TMEM80: variants seen among roughly 807,000 people sequenced by gnomAD.
The protein encoded by TMEM80 is transmembrane protein 80.
TMEM80 carries 16 observed loss-of-function variants against 13.6 expected under a neutral mutation model. That is an observed-to-expected ratio of 1.17 (90% CI 0.79 to 1.78). TMEM80 has a LOEUF of 1.78. Among genes scored for constraint, TMEM80 ranks in the 40% most tolerant of loss-of-function variants. TMEM80 has a pLI of 0.00. For synonymous variants in TMEM80, 92 were observed against 89.5 expected (o/e 1.03, Z -0.16); for missense variants, 167 against 184.6 (o/e 0.90, Z 0.55).
chr11:704,476 C>T, downstream of TMEM80: 1 of 1,289,360 alleles, frequency 7.8e-7, no homozygotes, highest in Non-Finnish European at 1.0e-6. Context: ...CCCTGAGGAC[C>T]CACTTCACAC....
intron 4 of TMEM80, among the ~76,000 whole-genome samples, chr11:701,597 G>C (rs189980059): frequency 6.6e-6 from 1 of 151,992 alleles, no homozygotes; most frequent in Admixed American, 6.5e-5. Context: ...TTTTAGTAGA[G>C]ATGGGGTTTC....
At chr11:702,506 C>T (rs61876703) in intron 4 of TMEM80, among the ~76,000 whole-genome samples, 4,939 of 152,288 alleles carry the variant, frequency 0.032, 111 homozygotes, top group African/African-American at 0.061. Context: ...TTGCTAAATA[C>T]GCAGTTTTGT....
chr11:697,973 C>T (rs1397102032), intron 1 of TMEM80: 1 of 152,272 alleles, frequency 6.6e-6, no homozygotes, highest in Non-Finnish European at 1.5e-5. Flanking sequence ...TCACCAACGC[C>T]AGGTTTCTGT....
chr11:704,431 G>A (rs1021610448), downstream of TMEM80: 10 of 1,288,038 alleles, frequency 7.8e-6, no homozygotes, highest in African/African-American at 3.0e-5. Flanking sequence ...TGACCTGTCT[G>A]TGGCCCCCAG....
intron 4 of TMEM80, among the ~76,000 whole-genome samples, chr11:701,491 A>G (rs952137669): frequency 4.6e-4 from 66 of 145,002 alleles, no homozygotes; most frequent in Non-Finnish European, 8.3e-4. Flanking sequence ...GCTCACTGCA[A>G]GCTCCGCCTC....
chr11:701,733 C>T (rs1357475438), intron 4 of TMEM80, among the ~76,000 whole-genome samples: 1 of 152,102 alleles, frequency 6.6e-6, no homozygotes, highest in African/African-American at 2.4e-5. Context: ...GCTATGTTAC[C>T]CTGGTTGGTC....
downstream of TMEM80, chr11:704,136 T>G (rs1407328248): frequency 8.9e-7 from 1 of 1,125,484 alleles, no homozygotes; most frequent in Non-Finnish European, 1.1e-6. Context: ...TGAATTCTCC[T>G]AATTATGGCC....
chr11:695,928 T>C, intron 1 of TMEM80, 82 bp downstream of exon 1: 1 of 1,074,740 alleles, frequency 9.3e-7, no homozygotes. Flanking sequence ...GGTTTCCGCT[T>C]TCGGTGCGCT....
chr11:698,719 G>C lies in TMEM80; in HGVS notation c.20-150G>C, dbSNP rs892097881. ...GTTAGAGAGGCACGGGAGCTATCTA[G>C]TGGCAGGCCCACGGTATATGTTTGC... On this transcript the variant is annotated intron_variant, in intron 1 of 4. Transcript: ENST00000397510. The C allele has an allele frequency of 7.9e-6, 7 of 890,926 alleles. No individual in the cohort carries two copies. The African/African-American group carries it at 1.1e-4, about 15-fold the overall frequency. 55.2% of individuals were successfully genotyped at this position (890,926 alleles called of 1,614,324 possible).
chr11:703,828 G>T lies in TMEM80; in HGVS notation c.*678G>T. 8.1e-7 allele frequency: 1 copy of T among 1,234,856 alleles called. No individual in the cohort carries two copies. Among genetic ancestry groups the T allele is most frequent in the Non-Finnish European group, 1.0e-6 (1 of 990,202 alleles). The allele number at this position is 1,234,856 out of a possible 1,614,324, so 76.5% of individuals were successfully genotyped here. ...CTTCGGAGGAGAGGTCAGGGCTAAG[G>T]CCGGGGATGAGACTGCAGGAGAGAG... On this transcript the variant is annotated 3_prime_UTR_variant, in exon 5 of 5. Transcript: ENST00000397510.
chr11:700,846 G>A, intron 4 of TMEM80, 139 bp downstream of exon 4: 1 of 812,104 alleles, frequency 1.2e-6, no homozygotes, highest in South Asian at 1.4e-5. Flanking sequence ...TGCTTTGCAG[G>A]CTCACCTTAC....
intron 4 of TMEM80, among the ~76,000 whole-genome samples, chr11:702,529 C>G (rs990075954): frequency 2.0e-5 from 3 of 152,246 alleles, no homozygotes; most frequent in African/African-American, 4.8e-5. Context: ...TTAATACATA[C>G]TCGTGAAATT....
At chr11:698,522 C>T (rs565246681) in intron 1 of TMEM80, among the ~76,000 whole-genome samples, 44 of 152,316 alleles carry the variant, frequency 2.9e-4, no homozygotes, top group African/African-American at 8.7e-4. Context: ...AAGCCACAGA[C>T]GGTGAGCCAC....
chr11:702,225 C>G (rs533394898), intron 4 of TMEM80, among the ~76,000 whole-genome samples: 1 of 152,244 alleles, frequency 6.6e-6, no homozygotes, highest in South Asian at 2.1e-4. Context: ...GAGGGGTGCC[C>G]GGCCGTCAGT....
rs1339141257 is a variant in TMEM80, at chr11:695,857, G to GC, written c.19+12dup. 1.4e-5 allele frequency: 17 copies of GC among 1,228,748 alleles called. No homozygotes were observed. The Admixed American group carries it at 1.7e-4, about 12-fold the overall frequency. The allele number at this position is 1,228,748 out of a possible 1,614,324, so 76.1% of individuals were successfully genotyped here. ...CGGCCCCGCGGCGAGGTGAGCTCGG[G>GC]CGGGGTGGGGGCTTCCGGGCTTGCA... On this transcript the variant is annotated intron_variant, in intron 1 of 4. Transcript: ENST00000397510.
In TMEM80 at chr11:703,012, C is replaced by T. The variant is rs766520397; in HGVS notation, c.294C>T (p.Thr98=). 42 of 1,612,214 alleles carry T rather than the reference C, an allele frequency of 2.6e-5. No individual in the cohort carries two copies. The highest frequency in any genetic ancestry group is 2.0e-4 in the East Asian group (9 of 44,882). The part of the protein sequence containing the change: ...LAASLALTAG[T]ALLSAHFLLW... The stretch of plus-strand genomic sequence containing the variant: ...CCAGCCTGGCCCTCACGGCTGGCAC[C>T]GCCCTCCTCTCTGCCCACTTCCTGC... Residue 98 remains threonine (T), a synonymous_variant, in exon 5 of 5, where the codon ACC becomes ACT. Coordinates refer to ENST00000397510, the MANE Select transcript of TMEM80 (RefSeq NM_001042463.3).
Position 703,158 on chromosome 11 carries a change from C to T in TMEM80, c.*8C>T, listed in dbSNP as rs974453158. 6.3e-7 allele frequency: 1 copy of T among 1,598,726 alleles called. No homozygotes were observed. Among genetic ancestry groups the T allele is most frequent in the Middle Eastern group, 1.7e-4 (1 of 6,016 alleles). Reference sequence around the variant, plus strand: ...GCGGCCTTCACCAGGTAGCTACGGACACCCGGGATACCCCACACTGGGGCC... The same window carrying T: ...GCGGCCTTCACCAGGTAGCTACGGATACCCGGGATACCCCACACTGGGGCC... On this transcript the variant is annotated 3_prime_UTR_variant, in exon 5 of 5. Coordinates refer to ENST00000397510, the MANE Select transcript of TMEM80 (RefSeq NM_001042463.3).
chr11:695,963 C>T (rs1330160765), intron 1 of TMEM80, 117 bp downstream of exon 1: 2 of 822,654 alleles, frequency 2.4e-6, no homozygotes, highest in East Asian at 3.4e-5. Context: ...ACCGTCTCTA[C>T]GTGAGCGAGA....
At chr11:704,532 A>C (rs1861635527), downstream of TMEM80, 1 of 1,289,302 alleles carries the variant, frequency 7.8e-7, no homozygotes, top group Non-Finnish European at 1.0e-6. Context: ...CAGCGCCTGC[A>C]CTCGCAGAAG....
Sources: gnomAD v4.1 joint callset for allele counts (sites outside exome capture counted in the v4.1 genomes callset) on GRCh38, gnomAD v4.1.1 for gene constraint, MANE v1.5 for transcripts, NCBI Gene and HGNC (gene_info 2026-07-23, HGNC 2026-07-21) for gene names.